Variants in AKAP19 observed in about 807,000 individuals in gnomAD.
AKAP19 encodes A-kinase anchoring protein 19, also known as small A-kinase anchoring protein.
chr2:190,128,908 A>AATG, the AKAP19 span, among the ~76,000 whole-genome samples: 1 of 152,242 alleles, frequency 6.6e-6, no homozygotes, highest in African/African-American at 2.4e-5. Flanking sequence ...GAAGACTATG[A>AATG]ATGATGTCTC....
At chr2:189,916,677 A>C in the AKAP19 span, among the ~76,000 whole-genome samples, 1 of 152,180 alleles carries the variant, frequency 6.6e-6, no homozygotes, top group Non-Finnish European at 1.5e-5. Context: ...TTGTTATTTC[A>C]AGAATGTTAC....
chr2:189,888,726 G>A, the AKAP19 span, among the ~76,000 whole-genome samples: 18 of 152,140 alleles, frequency 1.2e-4, no homozygotes, highest in Non-Finnish European at 2.4e-4. Context: ...GTTCACTCAT[G>A]ATTTGGCTCT....
the AKAP19 span, among the ~76,000 whole-genome samples, chr2:190,013,421 T>C: frequency 6.6e-6 from 1 of 152,126 alleles, no homozygotes; most frequent in African/African-American, 2.4e-5. Flanking sequence ...CTTATAATCC[T>C]GTGTATTTCT....
At chr2:189,940,812 A>G in the AKAP19 span, among the ~76,000 whole-genome samples, 1 of 151,924 alleles carries the variant, frequency 6.6e-6, no homozygotes, top group African/African-American at 2.4e-5. Flanking sequence ...AGTGGCATGA[A>G]CCTGGGAGGC....
At chr2:190,078,104 C>T in the AKAP19 span, among the ~76,000 whole-genome samples, 1 of 152,136 alleles carries the variant, frequency 6.6e-6, no homozygotes. Flanking sequence ...CCCTCCTCTC[C>T]AGCCCTTTGC....
the AKAP19 span, chr2:190,060,505 G>A: frequency 7.2e-7 from 1 of 1,396,914 alleles, no homozygotes; most frequent in Non-Finnish European, 9.8e-7. Context: ...CATATTAATA[G>A]TTGAGCATTT....
the AKAP19 span, among the ~76,000 whole-genome samples, chr2:190,103,367 AG>A: frequency 6.6e-6 from 1 of 152,222 alleles, no homozygotes; most frequent in Admixed American, 6.5e-5. Context: ...AAAAATCAAA[AG>A]CATCCAAATA....
At chr2:190,058,321 A>C in the AKAP19 span, among the ~76,000 whole-genome samples, 1 of 152,016 alleles carries the variant, frequency 6.6e-6, no homozygotes, top group Non-Finnish European at 1.5e-5. Context: ...CATATTAACC[A>C]CTGGACATAT....
At chr2:189,923,306 G>T in the AKAP19 span, 120 of 1,596,092 alleles carry the variant, frequency 7.5e-5, no homozygotes, top group Non-Finnish European at 7.2e-5. Context: ...CTTGTTTTCG[G>T]CTTTGTGAGA....
At chr2:189,894,350 C>T in the AKAP19 span, among the ~76,000 whole-genome samples, 1 of 152,148 alleles carries the variant, frequency 6.6e-6, no homozygotes, top group Non-Finnish European at 1.5e-5. Context: ...ATGCCCCTTT[C>T]TCTTAGAATG....
the AKAP19 span, among the ~76,000 whole-genome samples, chr2:190,016,770 A>G: frequency 1.3e-5 from 2 of 152,206 alleles, no homozygotes; most frequent in Non-Finnish European, 2.9e-5. Context: ...ATGCAGTTGA[A>G]TAAAATGTTC....
At chr2:190,152,829 C>T in the AKAP19 span, among the ~76,000 whole-genome samples, 2 of 151,556 alleles carry the variant, frequency 1.3e-5, no homozygotes, top group Admixed American at 6.6e-5. Flanking sequence ...AGGTTCTGAA[C>T]ATTTCTTAAA....
At chr2:189,937,234 A>G in the AKAP19 span, among the ~76,000 whole-genome samples, 1 of 152,218 alleles carries the variant, frequency 6.6e-6, no homozygotes, top group Admixed American at 6.5e-5. Context: ...TGGACTGACT[A>G]CAAAGGAACC....
the AKAP19 span, among the ~76,000 whole-genome samples, chr2:189,895,365 A>G: frequency 6.6e-6 from 1 of 152,106 alleles, no homozygotes. Flanking sequence ...ATACCCTAGC[A>G]CTTGTGTTGA....
At chr2:189,903,778 C>T in the AKAP19 span, among the ~76,000 whole-genome samples, 1,475 of 151,996 alleles carry the variant, frequency 9.7e-3, 21 homozygotes, top group African/African-American at 0.034. Flanking sequence ...AGTTTTCCAA[C>T]CCATGTTCCC....
At chr2:189,893,277 T>G in the AKAP19 span, among the ~76,000 whole-genome samples, 2 of 152,220 alleles carry the variant, frequency 1.3e-5, no homozygotes, top group Non-Finnish European at 2.9e-5. Flanking sequence ...GAAAGAAAAC[T>G]CCTGCAGCTA....
At chr2:190,097,877 A>AG in the AKAP19 span, among the ~76,000 whole-genome samples, 4 of 147,706 alleles carry the variant, frequency 2.7e-5, no homozygotes, top group East Asian at 5.8e-4. Flanking sequence ...AAAAAAAAAA[A>AG]AAAAGAAAAG....
At chr2:190,094,687 T>C in the AKAP19 span, among the ~76,000 whole-genome samples, 2 of 152,266 alleles carry the variant, frequency 1.3e-5, no homozygotes, top group Non-Finnish European at 2.9e-5. Flanking sequence ...TCACAAACAC[T>C]GCCTTGCCTT....
chr2:190,055,681 A>C, the AKAP19 span: 3 of 152,158 alleles, frequency 2.0e-5, no homozygotes, highest in Admixed American at 2.0e-4. Flanking sequence ...AGAATTAATC[A>C]TTAGAATAAA....
Sources: gnomAD v4.1 joint callset for allele counts (sites outside exome capture counted in the v4.1 genomes callset) on GRCh38, gnomAD v4.1.1 for gene constraint, MANE v1.5 for transcripts, NCBI Gene and HGNC (gene_info 2026-07-23, HGNC 2026-07-21) for gene names.